Variants in MCTP2 observed in about 807,000 individuals in gnomAD.
MCTP2 encodes the protein multiple C2 and transmembrane domain-containing protein 2.
A neutral mutation model predicts 111.6 loss-of-function variants in MCTP2; 132 were observed. The observed-to-expected ratio is 1.18, with a 90% confidence interval of 1.03 to 1.37. MCTP2 has a LOEUF of 1.37. Among genes scored for constraint, MCTP2 ranks in the 40% most tolerant of loss-of-function variants. The pLI is 0.00. For synonymous variants in MCTP2, 395 were observed against 387.7 expected, an observed-to-expected ratio of 1.02 and a Z score of -0.22; for missense variants, 1,183 against 1,067.9, an observed-to-expected ratio of 1.11 and a Z score of -1.50.
At chr15:94,270,062 G>A (rs1313436198) in intron 1 of MCTP2, among the ~76,000 whole-genome samples, 1 of 152,108 alleles carries the variant, frequency 6.6e-6, no homozygotes, top group Non-Finnish European at 1.5e-5. Flanking sequence ...GCTAGTGGAC[G>A]TTATGTTCCT....
chr15:94,282,849 T>C (rs888641073), intron 1 of MCTP2, among the ~76,000 whole-genome samples: 9 of 152,180 alleles, frequency 5.9e-5, no homozygotes, highest in Admixed American at 2.0e-4. Flanking sequence ...GCCCTTATCA[T>C]TGGGGGCTGG....
chr15:94,438,888 T>A lies in MCTP2; in HGVS notation c.2086-1288T>A, dbSNP rs1348187441. Among the ~76,000 whole-genome samples the A allele has an allele frequency of 2.0e-5, 3 of 152,246 alleles. No individual in the cohort carries two copies. In the East Asian group the frequency reaches 5.8e-4, roughly 29 times the overall value. On this transcript the variant is annotated intron_variant, in intron 17 of 22. Coordinates refer to ENST00000357742, the MANE Select transcript of MCTP2 (RefSeq NM_001385001.1). ...TAAAGCCACGAATTAAACAGTGATA[T>A]CCTTCTGAACAGTTTAACAATTTTT... is the stretch of plus-strand genomic sequence containing the variant.
intron 4 of MCTP2, among the ~76,000 whole-genome samples, 158 bp downstream of exon 4, chr15:94,315,795 T>A (rs2076352824): frequency 6.6e-6 from 1 of 152,232 alleles, no homozygotes; most frequent in Admixed American, 6.5e-5. Context: ...TTGCAGTGAA[T>A]CATTTAAACA....
At chr15:94,402,421 A>G in intron 17 of MCTP2, 2 of 1,529,442 alleles carry the variant, frequency 1.3e-6, no homozygotes, top group Non-Finnish European at 1.8e-6. Flanking sequence ...TTTGATATTA[A>G]AGATGTTTAT....
intron 15 of MCTP2, 31 bp from the exon 16 acceptor site, chr15:94,399,890 T>C (rs775357318): frequency 1.3e-6 from 2 of 1,594,362 alleles, no homozygotes; most frequent in African/African-American, 1.3e-5. Context: ...CTATACATGC[T>C]GCCCTTTTTT....
At chr15:94,270,482 G>A (rs2073848240) in intron 1 of MCTP2, among the ~76,000 whole-genome samples, 1 of 152,036 alleles carries the variant, frequency 6.6e-6, no homozygotes, top group African/African-American at 2.4e-5. Context: ...AAAAGCTGAT[G>A]TCCACAGACT....
intron 12 of MCTP2, among the ~76,000 whole-genome samples, chr15:94,373,832 T>G (rs1269054253): frequency 6.6e-6 from 1 of 152,222 alleles, no homozygotes; most frequent in Non-Finnish European, 1.5e-5. Context: ...CTAACATTTT[T>G]AAGTAATAGG....
rs1486944363 is a variant in MCTP2 at position 94,311,536 on chromosome 15, C to G, written c.466-2746C>G. 2.6e-5 allele frequency among the ~76,000 whole-genome samples: 4 copies of G among 152,112 alleles called. No homozygotes were observed. The East Asian group carries it at 5.8e-4, about 22-fold the overall frequency. On this transcript the variant is annotated intron_variant, in intron 2 of 22. Coordinates refer to ENST00000357742, the MANE Select transcript of MCTP2 (RefSeq NM_001385001.1). ...TGGGGGAATATCCAAAGTTATGTGTCCCCCAGCGGCTGTAACTCCATCCTC... is the reference window on the plus strand; with the variant it reads ...TGGGGGAATATCCAAAGTTATGTGTGCCCCAGCGGCTGTAACTCCATCCTC...
intron 8 of MCTP2, among the ~76,000 whole-genome samples, chr15:94,355,405 A>G (rs1196092426): frequency 1.3e-5 from 2 of 152,208 alleles, no homozygotes; most frequent in East Asian, 3.8e-4. Flanking sequence ...ATGAAGTGTG[A>G]CTACTCTATT....
chr15:94,472,455 C>T (rs547861783), intron 21 of MCTP2, among the ~76,000 whole-genome samples: 1 of 152,278 alleles, frequency 6.6e-6, no homozygotes, highest in South Asian at 2.1e-4. Context: ...AGATTCCAAT[C>T]CCTCTTTCTC....
intron 1 of MCTP2, among the ~76,000 whole-genome samples, chr15:94,272,172 A>T (rs2073939309): frequency 6.6e-6 from 1 of 152,214 alleles, no homozygotes; most frequent in African/African-American, 2.4e-5. Flanking sequence ...GAAGAAGTGA[A>T]TTGCCTTCTC....
chr15:94,391,260 T>C (rs2080958231), intron 14 of MCTP2, among the ~76,000 whole-genome samples: 1 of 152,194 alleles, frequency 6.6e-6, no homozygotes, highest in Non-Finnish European at 1.5e-5. Context: ...GCCATGTGTA[T>C]CTCCATTTGC....
chr15:94,309,798 C>T (rs79631491), intron 2 of MCTP2, among the ~76,000 whole-genome samples: 2,048 of 152,206 alleles, frequency 0.013, 47 homozygotes, highest in Admixed American at 0.055. Context: ...CCATAAATTT[C>T]AGTTTAGCAA....
chr15:94,346,906 CT>C (rs35636669), intron 8 of MCTP2, among the ~76,000 whole-genome samples: 32,711 of 151,686 alleles, frequency 0.22, 3,611 homozygotes, highest in East Asian at 0.31. Flanking sequence ...AGCTGTTTGT[CT>C]TTTTTTTGCT....
chr15:94,283,899 T>A (rs1307097527), intron 1 of MCTP2, among the ~76,000 whole-genome samples: 1 of 152,212 alleles, frequency 6.6e-6, no homozygotes, highest in Non-Finnish European at 1.5e-5. Context: ...ATTTTCTTTT[T>A]AAATGACTCT....
chr15:94,369,664 A>G (rs931968842), intron 11 of MCTP2, among the ~76,000 whole-genome samples: 5 of 152,192 alleles, frequency 3.3e-5, no homozygotes, highest in Non-Finnish European at 7.3e-5. Flanking sequence ...GTCCAAGTTT[A>G]GTCCTCTGGA....
At position 94,358,612 on chromosome 15, in the gene MCTP2, C is replaced by T. The variant is rs373360035; in HGVS notation, c.1301C>T (p.Thr434Met). Reference protein sequence around the residue: ...DNKKHEERLGTCKVDISALPL... With the variant: ...DNKKHEERLGMCKVDISALPL... ...AAAAAGCATGAGGAACGTCTGGGCA[C>T]GTGAGTCCCCTCTGCTTTCCAGTGG... Residue 434 changes from threonine (T) to methionine (M), a missense_variant and splice_region_variant, in exon 10 of 23, where the codon ACG becomes ATG. Thr to Met is a moderately conservative substitution (Grantham distance 81). Coordinates refer to ENST00000357742, the MANE Select transcript of MCTP2 (RefSeq NM_001385001.1). 91 of 1,613,118 alleles carry T rather than the reference C, an allele frequency of 5.6e-5. No homozygotes were observed. The highest frequency in any genetic ancestry group is 6.8e-5 in the Non-Finnish European group (80 of 1,179,530).
chr15:94,359,458 T>C (rs2078801869), intron 10 of MCTP2, among the ~76,000 whole-genome samples: 1 of 152,252 alleles, frequency 6.6e-6, no homozygotes, highest in South Asian at 2.1e-4. Flanking sequence ...ACACAGATGT[T>C]GAAAGGGATC....
At chr15:94,393,809 G>A (rs2081123728) in intron 14 of MCTP2, among the ~76,000 whole-genome samples, 1 of 152,016 alleles carries the variant, frequency 6.6e-6, no homozygotes, top group South Asian at 2.1e-4. Flanking sequence ...TAGCACTTTG[G>A]GAGGCCAAGG....
Sources: allele counts gnomAD v4.1 joint callset (sites outside exome capture counted in the v4.1 genomes callset), GRCh38; gene constraint gnomAD v4.1.1; transcripts MANE v1.5; gene names NCBI Gene and HGNC (gene_info 2026-07-23, HGNC 2026-07-21).